SLC14A1: variants seen among roughly 807,000 people sequenced by gnomAD.
SLC14A1 encodes the protein solute carrier family 14 member 1 (Kidd blood group).
A neutral mutation model predicts 39.6 loss-of-function variants in SLC14A1; 36 were observed. The observed-to-expected ratio is 0.91, with a 90% confidence interval of 0.70 to 1.20. The LOEUF is 1.20. Among genes scored for constraint, SLC14A1 ranks in the 50% most tolerant of loss-of-function variants. The pLI is 0.00. For missense variants in SLC14A1, 469 were observed against 478.7 expected (o/e 0.98, Z 0.19); for synonymous variants, 164 against 173.6 (o/e 0.94, Z 0.43).
chr18:45,727,553 C>A, intron 2 of SLC14A1: 1 of 1,076,896 alleles, frequency 9.3e-7, no homozygotes, highest in Non-Finnish European at 1.3e-6. Flanking sequence ...GATCTTGGTC[C>A]AAAAAGCCCC....
At chr18:45,727,525 C>G (rs952684323) in intron 2 of SLC14A1, 2 of 1,327,222 alleles carry the variant, frequency 1.5e-6, no homozygotes, top group Non-Finnish European at 2.0e-6. Flanking sequence ...TGGCTGTGAG[C>G]TAAGCCAAAG....
Position 45,748,339 on chromosome 18 carries a change from C to A in SLC14A1, c.947-37C>A, listed in dbSNP as rs202010103. The A allele has an allele frequency of 5.0e-6, 8 of 1,608,336 alleles. No homozygotes were observed. The Admixed American group carries it at 6.7e-5, about 13-fold the overall frequency. ...TTTCCTGTGATTAAAAGTGCATCTA[C>A]GAAGCATTGTTCTTTCCCTCCTTTT... On this transcript the variant is annotated intron_variant, in intron 8 of 9. Transcript: ENST00000321925.
chr18:45,730,071 T>C (rs1282654732), intron 2 of SLC14A1: 1 of 447,908 alleles, frequency 2.2e-6, no homozygotes, highest in African/African-American at 1.9e-5. Context: ...CCTTATGAAA[T>C]TAAAGACCAG....
At chr18:45,731,601 A>G (rs10460036) in intron 4 of SLC14A1, 146,631 of 324,926 alleles carry the variant, frequency 0.45, 34,556 homozygotes, top group East Asian at 0.53. Flanking sequence ...TCTTGTTGCT[A>G]TGATGAGTTT....
At position 45,749,952 on chromosome 18, in the gene SLC14A1, G is replaced by T; in HGVS notation, c.*1G>T. On this transcript the variant is annotated 3_prime_UTR_variant, in exon 10 of 10. Coordinates refer to ENST00000321925, the MANE Select transcript of SLC14A1 (RefSeq NM_015865.7). ...AAGAATGGTGGAAAGCCCTTTGTGAGAACAAGCCCCATTTGCAGCCATGGT... is the reference window on the plus strand; with the variant it reads ...AAGAATGGTGGAAAGCCCTTTGTGATAACAAGCCCCATTTGCAGCCATGGT... 6.2e-7 allele frequency: 1 copy of T among 1,614,184 alleles called. No individual in the cohort carries two copies. The highest frequency in any genetic ancestry group is 8.5e-7 in the Non-Finnish European group (1 of 1,180,040).
At chr18:45,725,838 C>G (rs1185654173) in intron 2 of SLC14A1, among the ~76,000 whole-genome samples, 2 of 152,166 alleles carry the variant, frequency 1.3e-5, no homozygotes, top group Non-Finnish European at 1.5e-5. Flanking sequence ...TAAAATCCTA[C>G]CTAGCTCTCA....
At chr18:45,738,524 G>A (rs562079013) in intron 6 of SLC14A1, among the ~76,000 whole-genome samples, 28 of 152,298 alleles carry the variant, frequency 1.8e-4, no homozygotes, top group South Asian at 8.3e-4. Flanking sequence ...TTTGAGACCT[G>A]CTTGACAGTT....
rs2047298796 is a variant in SLC14A1, at chr18:45,739,609, G to A, written c.893G>A (p.Gly298Glu). The A allele has an allele frequency of 6.2e-7, 1 of 1,614,202 alleles. No homozygotes were observed. Among genetic ancestry groups the A allele is most frequent in the Non-Finnish European group, 8.5e-7 (1 of 1,180,036 alleles). The change falls in exon 8 of 10, where the codon GGA becomes GAA. Residue 298 changes from glycine to glutamate, a missense_variant. Coordinates refer to ENST00000321925, the MANE Select transcript of SLC14A1 (RefSeq NM_015865.7). ...AGCTCTCTGGCCTGCATTGCAATGG[G>A]AGGAATGTTCATGGCGCTCACCTGG... ...FNSSLACIAM[G>E]GMFMALTWQT...
intron 8 of SLC14A1, among the ~76,000 whole-genome samples, chr18:45,744,458 G>C (rs557286094): frequency 6.6e-6 from 1 of 151,994 alleles, no homozygotes; most frequent in African/African-American, 2.4e-5. Context: ...TCAATATTTT[G>C]AAAGTTGTCC....
rs565829078 is a variant in SLC14A1, at chr18:45,730,374, T to C, written c.54T>C (p.Gly18=). The C allele has an allele frequency of 8.1e-6, 13 of 1,614,112 alleles. No individual in the cohort carries two copies. In the East Asian group the frequency reaches 2.7e-4, roughly 33 times the overall value. Residue 18 remains glycine (G), a synonymous_variant, in exon 3 of 10, where the codon GGT becomes GGC. Transcript: ENST00000321925. ...TGGACAGCCCCACTATGGTTAGGGG[T>C]GAAAACCAGGTTTCGCCATGTCAAG... ...VRVDSPTMVR[G]ENQVSPCQGR...
At position 45,732,639 on chromosome 18, in the gene SLC14A1, C is replaced by T. The variant is rs561746848; in HGVS notation, c.341+1435C>T. Among the ~76,000 whole-genome samples, 190 of 51,964 alleles carry T rather than the reference C, an allele frequency of 3.7e-3. No homozygotes were observed. The Middle Eastern group carries it at 0.039, about 11-fold the overall frequency. The allele number at this position is 51,964 out of a possible 152,430, so 34.1% of individuals were successfully genotyped here. On this transcript the variant is annotated intron_variant, in intron 4 of 9. Coordinates refer to ENST00000321925, the MANE Select transcript of SLC14A1 (RefSeq NM_015865.7). ...AGCTGTCACACTATCCCTTACCAGC[C>T]CCTGCAGTGTGGCTCACTGGCTATA...
intron 8 of SLC14A1, among the ~76,000 whole-genome samples, chr18:45,745,015 C>T (rs1387245647): frequency 2.0e-5 from 3 of 152,264 alleles, no homozygotes; most frequent in South Asian, 2.1e-4. Context: ...GAGGCCAAGG[C>T]GGGTGGATCA....
chr18:45,742,628 G>C (rs2047415866), intron 8 of SLC14A1, among the ~76,000 whole-genome samples: 1 of 151,342 alleles, frequency 6.6e-6, no homozygotes, highest in Admixed American at 6.6e-5. Context: ...AAAGTGCTGG[G>C]ATTACAAGTA....
intron 9 of SLC14A1, among the ~76,000 whole-genome samples, chr18:45,748,953 T>A (rs143286682): frequency 6.6e-6 from 1 of 152,118 alleles, no homozygotes; most frequent in South Asian, 2.1e-4. Flanking sequence ...ACATGCATGA[T>A]GGAGAGTACA....
At chr18:45,730,936 A>T (rs2047010812) in intron 3 of SLC14A1, 79 bp from the exon 4 acceptor site, 1 of 1,285,130 alleles carries the variant, frequency 7.8e-7, no homozygotes, top group African/African-American at 1.5e-5. Flanking sequence ...GGTTTTGCTG[A>T]TTTTGCTCAG....
At chr18:45,735,867 C>T (rs549058397) in intron 5 of SLC14A1, among the ~76,000 whole-genome samples, 65 of 152,292 alleles carry the variant, frequency 4.3e-4, no homozygotes, top group Middle Eastern at 6.8e-3. Context: ...ACCATGCAGC[C>T]CAGCCCCACA....
rs1447707514 is a variant in SLC14A1 at position 45,731,203 on chromosome 18, A to G, written c.340A>G (p.Arg114Gly). The stretch of plus-strand genomic sequence containing the variant: ...GATGGCCCTCTTGCTCAGCCAGGAC[A>G]GGTAGGTGTACCCTTTCAAGCCTTC... ...TLMALLLSQD[R>G]SLIASGLYGY... Residue 114 changes from arginine (R) to glycine (G), a missense_variant and splice_region_variant, in exon 4 of 10, where the codon AGG becomes GGG. By Grantham distance (125) the Arg-to-Gly change is moderately radical. Transcript: ENST00000321925. The G allele has an allele frequency of 1.2e-5, 20 of 1,613,336 alleles. No homozygotes were observed. The Admixed American group carries it at 3.3e-4, about 27-fold the overall frequency.
chr18:45,727,509 G>A, intron 2 of SLC14A1: 4 of 1,416,286 alleles, frequency 2.8e-6, no homozygotes, highest in South Asian at 2.9e-5. Flanking sequence ...CCTGGGAAGT[G>A]GGGGTTGGCT....
Position 45,750,568 on chromosome 18 carries a change from G to C in SLC14A1, c.*617G>C. 1.0e-6 allele frequency: 1 copy of C among 987,124 alleles called. No individual in the cohort carries two copies. The highest frequency in any genetic ancestry group is 4.7e-5 in the South Asian group (1 of 21,382). 61.1% of individuals were successfully genotyped at this position (987,124 alleles called of 1,614,324 possible). A position where few individuals can be genotyped will look rare whatever the true frequency, so the allele number is the denominator to read the frequency against. ...CATGGGACAATGTTGGGGTTTTTCA[G>C]ACTGACAGGACTGCAAGAGGGAGAA... On this transcript the variant is annotated 3_prime_UTR_variant, in exon 10 of 10. Transcript: ENST00000321925.
Sources: gnomAD v4.1 joint callset for allele counts (sites outside exome capture counted in the v4.1 genomes callset) on GRCh38, gnomAD v4.1.1 for gene constraint, MANE v1.5 for transcripts, NCBI Gene and HGNC (gene_info 2026-07-23, HGNC 2026-07-21) for gene names.